The following RUNX1 variants were observed in gnomAD, a reference collection of about 807,000 sequenced individuals.
RUNX1 encodes RUNX family transcription factor 1.
In RUNX1, 19 loss-of-function variants were observed where a neutral mutation model predicts 42.8. The ratio of observed to expected loss-of-function variants is 0.44; its 90% CI spans 0.31 to 0.65. The LOEUF (loss-of-function observed/expected upper bound fraction) is 0.65. Among genes scored for constraint, RUNX1 ranks in the 30% least tolerant of loss-of-function variants. The pLI is 0.07. For missense variants in RUNX1, 528 were observed against 672.0 expected (o/e 0.79, Z 2.37); for synonymous variants, 271 against 289.4 (o/e 0.94, Z 0.64).
At chr21:34,999,702 G>C (rs1378216856) in intron 2 of RUNX1, among the ~76,000 whole-genome samples, 1 of 152,202 alleles carries the variant, frequency 6.6e-6, no homozygotes, top group East Asian at 1.9e-4. Context: ...ACGTGGTTAG[G>C]CCTTCAGCCC....
rs111827132 is a variant in RUNX1 at position 34,945,377 on chromosome 21, C to T, written c.59-52414G>A. ...TGAGTGGAACCCACCATCCTTTGAC[C>T]TTGGCCTTGCAGCCTAGTTTCTTTG... On this transcript the variant is annotated intron_variant, in intron 2 of 8. Coordinates refer to ENST00000675419, the MANE Select transcript of RUNX1 (RefSeq NM_001754.5). Among the ~76,000 whole-genome samples the T allele has an allele frequency of 5.7e-3, 864 of 152,306 alleles. 7 individuals carry two copies. Among genetic ancestry groups the T allele is most frequent in the African/African-American group, 0.02 (827 of 41,556 alleles).
At chr21:34,846,795 T>C (rs982244665) in intron 6 of RUNX1, among the ~76,000 whole-genome samples, 2 of 152,230 alleles carry the variant, frequency 1.3e-5, no homozygotes, top group East Asian at 3.8e-4. Flanking sequence ...CTATTTATTT[T>C]GAGACTGGCT....
chr21:34,975,209 C>T (rs2058792337), intron 2 of RUNX1, among the ~76,000 whole-genome samples: 2 of 152,244 alleles, frequency 1.3e-5, no homozygotes, highest in African/African-American at 4.8e-5. Flanking sequence ...GACCTCAATA[C>T]CTACAAATCA....
chr21:35,002,340 T>G (rs757203099), intron 2 of RUNX1, among the ~76,000 whole-genome samples: 31 of 151,776 alleles, frequency 2.0e-4, no homozygotes, highest in Non-Finnish European at 3.5e-4. Context: ...ATTTGTCTTA[T>G]GCTTTTCCAT....
intron 2 of RUNX1, among the ~76,000 whole-genome samples, chr21:35,021,773 C>T (rs1156523660): frequency 1.3e-5 from 2 of 152,190 alleles, no homozygotes; most frequent in African/African-American, 2.4e-5. Flanking sequence ...TGGGAGCGGG[C>T]CCTGCCTCAG....
chr21:35,010,862 A>G (rs890961153), intron 2 of RUNX1, among the ~76,000 whole-genome samples: 1 of 152,262 alleles, frequency 6.6e-6, no homozygotes, highest in Admixed American at 6.5e-5. Flanking sequence ...CATCTGAAAC[A>G]TCAGAATCAT....
At position 34,916,867 on chromosome 21, in the gene RUNX1, A is replaced by G. The variant is rs376124738; in HGVS notation, c.59-23904T>C. Among the ~76,000 whole-genome samples, 29 of 152,322 alleles carry G rather than the reference A, an allele frequency of 1.9e-4. No individual in the cohort carries two copies. In the East Asian group the frequency reaches 2.3e-3, roughly 12 times the overall value. ...TGCCAGGTCTTTCTATGTGTTATCT[A>G]ACTTAATGCTCACAAAATCCTTTTG... On this transcript the variant is annotated intron_variant, in intron 2 of 8. Transcript: ENST00000675419.
intron 8 of RUNX1, among the ~76,000 whole-genome samples, chr21:34,798,663 A>G (rs1569008192): frequency 1.3e-5 from 2 of 152,308 alleles, no homozygotes; most frequent in East Asian, 1.9e-4. Context: ...TCTTCTTGTC[A>G]TTCCCTAAAC....
chr21:34,937,561 C>T (rs952257804), intron 2 of RUNX1, among the ~76,000 whole-genome samples: 6 of 151,994 alleles, frequency 3.9e-5, no homozygotes, highest in Non-Finnish European at 7.4e-5. Context: ...TGTGAAGTCG[C>T]TCTAAATATT....
chr21:34,878,354 A>T (rs1312962511), intron 5 of RUNX1, among the ~76,000 whole-genome samples: 3 of 147,950 alleles, frequency 2.0e-5, no homozygotes, highest in African/African-American at 7.6e-5. Flanking sequence ...TAAAAAAAAA[A>T]AAAAAAATAT....
intron 4 of RUNX1, among the ~76,000 whole-genome samples, chr21:34,886,626 C>G (rs943716908): frequency 6.6e-6 from 1 of 152,262 alleles, no homozygotes; most frequent in Admixed American, 6.5e-5. Flanking sequence ...GTTTTCAGCC[C>G]TCCTGGGAGG....
chr21:34,906,653 T>G (rs1212060895), intron 2 of RUNX1, among the ~76,000 whole-genome samples: 5 of 152,134 alleles, frequency 3.3e-5, no homozygotes, highest in Non-Finnish European at 7.4e-5. Context: ...TTACATGCAT[T>G]TAAATAAAAA....
chr21:34,843,694 G>A lies in RUNX1; in HGVS notation c.614-9093C>T, dbSNP rs1448364118. Among the ~76,000 whole-genome samples, 1 of 148,246 alleles carries A rather than the reference G, an allele frequency of 6.7e-6. No homozygotes were observed. Among genetic ancestry groups the A allele is most frequent in the Non-Finnish European group, 1.5e-5 (1 of 67,552 alleles). On this transcript the variant is annotated intron_variant, in intron 6 of 8. Coordinates refer to ENST00000675419, the MANE Select transcript of RUNX1 (RefSeq NM_001754.5). This position sits in a 1 kb window ranked among gnomAD's most constrained non-coding sequence, Gnocchi z 4.8. ...CCCCTCCCCAGCCCCCCTGCACCAT[G>A]CGCCCAAGACTCACGGGACAAAAAC...
intron 2 of RUNX1, among the ~76,000 whole-genome samples, chr21:34,900,463 T>G (rs1348475620): frequency 6.6e-6 from 1 of 152,228 alleles, no homozygotes; most frequent in Non-Finnish European, 1.5e-5. Context: ...ATAGTGCATC[T>G]TACTTGACTC....
At chr21:34,885,163 T>A (rs889289654) in intron 4 of RUNX1, among the ~76,000 whole-genome samples, 15 of 151,814 alleles carry the variant, frequency 9.9e-5, no homozygotes. Flanking sequence ...GACCCTGATT[T>A]CCCCCCCAAA....
At chr21:34,915,243 G>A (rs1368690079) in intron 2 of RUNX1, among the ~76,000 whole-genome samples, 1 of 152,074 alleles carries the variant, frequency 6.6e-6, no homozygotes, top group East Asian at 1.9e-4. Flanking sequence ...CAATATTTTG[G>A]AAACATCTTA....
chr21:34,989,110 G>A (rs1288421183), intron 2 of RUNX1, among the ~76,000 whole-genome samples: 1 of 151,746 alleles, frequency 6.6e-6, no homozygotes, highest in African/African-American at 2.4e-5. Context: ...CCACGTTCAA[G>A]CGATTCTCCT....
Position 34,788,328 on chromosome 21 carries a change from C to T in RUNX1, c.*3807G>A. ...TTTTTTTCCATTGATTTTTATACAT[C>T]CAGAATAACACAAATAACCAACAGT... is the stretch of plus-strand genomic sequence containing the variant. On this transcript the variant is annotated 3_prime_UTR_variant, in exon 9 of 9. Coordinates refer to ENST00000675419, the MANE Select transcript of RUNX1 (RefSeq NM_001754.5). The T allele has an allele frequency of 4.3e-6, 1 of 233,426 alleles. No homozygotes were observed. The highest frequency in any genetic ancestry group is 8.5e-6 in the Non-Finnish European group (1 of 117,960). The allele number at this position is 233,426 out of a possible 1,614,324, so 14.5% of individuals were successfully genotyped here.
intron 4 of RUNX1, among the ~76,000 whole-genome samples, chr21:34,883,507 G>C (rs2057936619): frequency 6.6e-6 from 1 of 152,148 alleles, no homozygotes; most frequent in African/African-American, 2.4e-5. Flanking sequence ...GGGCAATATG[G>C]AGAGAATGTA....
Sources: allele counts gnomAD v4.1 joint callset (sites outside exome capture counted in the v4.1 genomes callset), GRCh38; gene constraint gnomAD v4.1.1; non-coding constraint Gnocchi (gnomAD v3.1); transcripts MANE v1.5; gene names NCBI Gene and HGNC (gene_info 2026-07-23, HGNC 2026-07-21).